Variants in BANP observed in about 807,000 individuals in gnomAD.
The protein encoded by BANP is BTG3 associated nuclear protein, also known as protein BANP.
Under a neutral mutation model 68.1 loss-of-function variants are expected in BANP, and 11 were observed. The ratio of observed to expected loss-of-function variants is 0.16; its 90% CI spans 0.10 to 0.27. The LOEUF (loss-of-function observed/expected upper bound fraction) is 0.27. BANP is among the 10% of genes least tolerant of loss of function. The probability of loss-of-function intolerance (pLI) is 1.00; values close to 1 mark genes in which losing one functional copy is unlikely to be tolerated. For missense variants in BANP, 504 were observed against 722.7 expected (o/e 0.70, Z 3.47); for synonymous variants, 329 against 303.2 (o/e 1.09, Z -0.88).
intron 11 of BANP, among the ~76,000 whole-genome samples, chr16:88,047,683 T>C (rs2082332365): frequency 6.6e-6 from 1 of 152,154 alleles, no homozygotes; most frequent in Non-Finnish European, 1.5e-5. Context: ...GTACTCCTAA[T>C]AGTCACCCAG....
chr16:87,985,824 C>A (rs2064279333), intron 4 of BANP, among the ~76,000 whole-genome samples: 1 of 152,106 alleles, frequency 6.6e-6, no homozygotes, highest in African/African-American at 2.4e-5. Flanking sequence ...GTGAGCAGTT[C>A]CTAATGAACT....
intron 11 of BANP, among the ~76,000 whole-genome samples, chr16:88,061,748 C>G (rs1490867739): frequency 1.3e-5 from 2 of 152,072 alleles, no homozygotes; most frequent in African/African-American, 4.8e-5. Context: ...TCACCGCAAC[C>G]TCTGCCTCCT....
chr16:88,067,236 G>C (rs1167636986), intron 12 of BANP, among the ~76,000 whole-genome samples: 1 of 152,268 alleles, frequency 6.6e-6, no homozygotes, highest in South Asian at 2.1e-4. Flanking sequence ...TTGTGTGGCT[G>C]GTCTCATGGG....
chr16:88,022,140 G>C (rs112046870), intron 7 of BANP, among the ~76,000 whole-genome samples: 1 of 152,210 alleles, frequency 6.6e-6, no homozygotes. Context: ...AAACCTTGGA[G>C]CATTTTCCTA....
intron 4 of BANP, among the ~76,000 whole-genome samples, chr16:87,992,380 T>C (rs2066079591): frequency 6.6e-6 from 1 of 152,238 alleles, no homozygotes; most frequent in South Asian, 2.1e-4. Flanking sequence ...GCTGGGAGGC[T>C]GCCCCTTATT....
chr16:88,071,832 C>A lies in BANP; in HGVS notation c.1378-237C>A, dbSNP rs567226276. 33 of 696,788 alleles carry A rather than the reference C, an allele frequency of 4.7e-5. No homozygotes were observed. In the East Asian group the frequency reaches 7.9e-4, roughly 17 times the overall value. 43.2% of individuals were successfully genotyped at this position (696,788 alleles called of 1,614,324 possible). A position where few individuals can be genotyped will look rare whatever the true frequency, so the allele number is the denominator to read the frequency against. On this transcript the variant is annotated intron_variant, in intron 12 of 13. Transcript: ENST00000682872. The surrounding 1 kb of genome is among the most constrained non-coding windows in gnomAD (Gnocchi z 6.5). ...TTTCTGCTCTGTAGGTGCTTGAGGG[C>A]GGAGTTGCAGATCCAGCAGAGACTC...
At chr16:88,005,153 T>A (rs2070629493) in intron 5 of BANP, among the ~76,000 whole-genome samples, 2 of 152,164 alleles carry the variant, frequency 1.3e-5, no homozygotes, top group South Asian at 4.1e-4. Context: ...GTCGCAAGGG[T>A]CTGATACGTG....
At chr16:88,033,583 A>G (rs1252425642) in intron 9 of BANP, among the ~76,000 whole-genome samples, 5 of 152,208 alleles carry the variant, frequency 3.3e-5, no homozygotes, top group Non-Finnish European at 7.3e-5. Context: ...CCTGGGAAAC[A>G]TCGGAAATAT....
At chr16:88,041,378 G>A (rs2080754206) in intron 11 of BANP, among the ~76,000 whole-genome samples, 1 of 152,196 alleles carries the variant, frequency 6.6e-6, no homozygotes, top group Non-Finnish European at 1.5e-5. Flanking sequence ...CTGCGTTGGT[G>A]TGACCCTGTG....
At chr16:87,949,924 C>T (rs888881676), upstream of BANP, among the ~76,000 whole-genome samples, 1 of 149,422 alleles carries the variant, frequency 6.7e-6, no homozygotes, top group Non-Finnish European at 1.5e-5. Flanking sequence ...GCTGCCCAGG[C>T]TGGAGTCCAG....
intron 11 of BANP, among the ~76,000 whole-genome samples, chr16:88,044,134 G>A (rs2081417703): frequency 6.6e-6 from 1 of 152,246 alleles, no homozygotes; most frequent in Non-Finnish European, 1.5e-5. Flanking sequence ...TGTGACCTGG[G>A]CAGACTCCCT....
chr16:87,972,291 AC>A (rs1229165838), intron 1 of BANP, among the ~76,000 whole-genome samples: 19 of 151,046 alleles, frequency 1.3e-4, no homozygotes, highest in Admixed American at 2.0e-4. Context: ...TTCTGAAGTT[AC>A]TTTTTCTTTT....
At chr16:88,009,228 T>C (rs7199963) in intron 6 of BANP, among the ~76,000 whole-genome samples, 150,853 of 152,300 alleles carry the variant, frequency 0.99, 74,719 homozygotes, top group East Asian at 1. Context: ...CCTGGGCAGG[T>C]GGTGAATCAG....
intron 11 of BANP, among the ~76,000 whole-genome samples, chr16:88,047,587 C>T (rs1159115354): frequency 1.3e-5 from 2 of 152,188 alleles, no homozygotes; most frequent in Non-Finnish European, 2.9e-5. Context: ...CAAATCCAGA[C>T]TCCTCCTGAA....
chr16:87,971,205 C>G (rs576563817), intron 1 of BANP, among the ~76,000 whole-genome samples: 87 of 152,108 alleles, frequency 5.7e-4, no homozygotes, highest in Middle Eastern at 3.4e-3. Context: ...ATATGTACTC[C>G]CAATTCCTCC....
intron 11 of BANP, among the ~76,000 whole-genome samples, chr16:88,053,464 AC>A (rs1222447115): frequency 2.0e-5 from 3 of 150,108 alleles, no homozygotes; most frequent in African/African-American, 7.5e-5. Context: ...CATCATCATC[AC>A]CAACACAACC....
In BANP at chr16:87,952,920, G is replaced by A. The variant is rs549004720; in HGVS notation, c.-69+1405G>A. 3.3e-5 allele frequency among the ~76,000 whole-genome samples: 5 copies of A among 152,198 alleles called. No individual in the cohort carries two copies. The South Asian group carries it at 8.3e-4, about 25-fold the overall frequency. On this transcript the variant is annotated intron_variant, in intron 1 of 13. Coordinates refer to ENST00000682872, the MANE Select transcript of BANP (RefSeq NM_001386991.1). Reference sequence around the variant, plus strand: ...CTCCTGAGTAGCTCGGACCACAGACGCCACCACCCCGGCTAATTTTTGTAT... The same window carrying A: ...CTCCTGAGTAGCTCGGACCACAGACACCACCACCCCGGCTAATTTTTGTAT...
intron 4 of BANP, among the ~76,000 whole-genome samples, chr16:87,987,627 G>A (rs367692297): frequency 1.7e-4 from 25 of 147,116 alleles, no homozygotes; most frequent in African/African-American, 6.0e-4. Context: ...AGGCTGAGGT[G>A]GGAGGATTGC....
At chr16:88,061,604 A>G (rs997688993) in intron 11 of BANP, among the ~76,000 whole-genome samples, 8 of 152,096 alleles carry the variant, frequency 5.3e-5, no homozygotes, top group Non-Finnish European at 8.8e-5. Flanking sequence ...CGTAGGAGAA[A>G]GATTTTAGGC....
Sources: gnomAD v4.1 joint callset for allele counts (sites outside exome capture counted in the v4.1 genomes callset) on GRCh38, gnomAD v4.1.1 for gene constraint, Gnocchi (gnomAD v3.1) non-coding constraint, MANE v1.5 for transcripts, NCBI Gene and HGNC (gene_info 2026-07-23, HGNC 2026-07-21) for gene names.